The following PRKAR1B variants were observed in gnomAD, a reference collection of about 807,000 sequenced individuals.
The protein encoded by PRKAR1B is protein kinase cAMP-dependent type I regulatory subunit beta.
In PRKAR1B, 22 loss-of-function variants were observed where a neutral mutation model predicts 46.5. That is an observed-to-expected ratio of 0.47 (90% CI 0.34 to 0.68). The LOEUF (loss-of-function observed/expected upper bound fraction) is 0.68. Ranked by LOEUF, PRKAR1B falls within the 30% of genes least tolerant of loss-of-function variation. The pLI, the probability that PRKAR1B is intolerant of heterozygous loss-of-function variation, is 0.01. For missense variants in PRKAR1B, 445 were observed against 535.6 expected, an observed-to-expected ratio of 0.83 and a Z score of 1.67; for synonymous variants, 259 against 217.7, an observed-to-expected ratio of 1.19 and a Z score of -1.67.
chr7:703,231 A>T (rs981711157), intron 2 of PRKAR1B, among the ~76,000 whole-genome samples: 1 of 152,272 alleles, frequency 6.6e-6, no homozygotes, highest in Non-Finnish European at 1.5e-5. Context: ...TATGCAACTA[A>T]TAACAGAGCT....
chr7:707,697 A>C (rs571221949), intron 2 of PRKAR1B, among the ~76,000 whole-genome samples: 1 of 152,300 alleles, frequency 6.6e-6, no homozygotes, highest in Admixed American at 6.5e-5. Flanking sequence ...GGAAATCTGG[A>C]CACAGACACT....
intron 9 of PRKAR1B, among the ~76,000 whole-genome samples, chr7:568,962 AG>A (rs1429320745): frequency 7.6e-6 from 1 of 130,904 alleles, no homozygotes; most frequent in Non-Finnish European, 1.6e-5. Flanking sequence ...GGTCTCTGGG[AG>A]GGGAGGGTTG....
intron 4 of PRKAR1B, among the ~76,000 whole-genome samples, chr7:635,209 TG>T (rs1783976814): frequency 6.6e-6 from 1 of 152,236 alleles, no homozygotes; most frequent in South Asian, 2.1e-4. Flanking sequence ...TCTGACACCC[TG>T]GGACCCACAT....
chr7:618,083 G>A (rs533140120), intron 4 of PRKAR1B, among the ~76,000 whole-genome samples: 11 of 151,444 alleles, frequency 7.3e-5, no homozygotes, highest in African/African-American at 1.7e-4. Flanking sequence ...CCCCACCAGT[G>A]GTAAGTGCCG....
chr7:583,358 G>GGT (rs1562536828), intron 8 of PRKAR1B, among the ~76,000 whole-genome samples: 1 of 129,780 alleles, frequency 7.7e-6, no homozygotes, highest in Non-Finnish European at 1.7e-5. Flanking sequence ...CACACACACA[G>GGT]GCGCACACAC....
rs867718312 is a variant in PRKAR1B at position 670,533 on chromosome 7, G to C, written c.440+6696C>G. On this transcript the variant is annotated intron_variant, in intron 4 of 10. Transcript: ENST00000537384. ...ACCGAGGACGGCCTCTGAGCTCCCC[G>C]ACGCCACAGCATCCAGCAGAGGGGC... is the stretch of plus-strand genomic sequence containing the variant. Among the ~76,000 whole-genome samples the C allele has an allele frequency of 9.0e-3, 695 of 77,466 alleles. 2 individuals are homozygous for C. The highest frequency in any genetic ancestry group is 0.035 in the Middle Eastern group (3 of 86). The allele number at this position is 77,466 out of a possible 152,430, so 50.8% of individuals were successfully genotyped here.
intron 4 of PRKAR1B, among the ~76,000 whole-genome samples, chr7:669,440 A>G (rs1786101927): frequency 6.6e-6 from 1 of 152,160 alleles, no homozygotes. Context: ...TTGTGAATGT[A>G]ACTAATGCCA....
At chr7:610,711 C>A (rs1028112876) in intron 4 of PRKAR1B, among the ~76,000 whole-genome samples, 3 of 152,188 alleles carry the variant, frequency 2.0e-5, no homozygotes, top group South Asian at 2.1e-4. Flanking sequence ...TCACACAAAA[C>A]CCCCATGGCT....
chr7:569,003 G>C (rs1779339556), intron 9 of PRKAR1B, among the ~76,000 whole-genome samples: 1 of 150,882 alleles, frequency 6.6e-6, no homozygotes, highest in South Asian at 2.1e-4. Flanking sequence ...GCTTTTTAGA[G>C]TTGTTATTTT....
intron 2 of PRKAR1B, among the ~76,000 whole-genome samples, chr7:685,344 A>G (rs1193161064): frequency 6.9e-5 from 6 of 86,790 alleles, no homozygotes; most frequent in African/African-American, 2.9e-4. Flanking sequence ...ATACGTATAT[A>G]TATGTATACA....
chr7:708,903 C>T (rs1168720701), intron 2 of PRKAR1B, among the ~76,000 whole-genome samples: 1 of 151,558 alleles, frequency 6.6e-6, no homozygotes, highest in Non-Finnish European at 1.5e-5. Flanking sequence ...GCCAATTCTC[C>T]TGCCTCAGCC....
Position 666,166 on chromosome 7 carries a change from C to T in PRKAR1B, c.440+11063G>A, listed in dbSNP as rs1161293083. Among the ~76,000 whole-genome samples the T allele has an allele frequency of 6.6e-6, 1 of 152,210 alleles. No homozygotes were observed. Among genetic ancestry groups the T allele is most frequent in the Non-Finnish European group, 1.5e-5 (1 of 68,038 alleles). ...CTACAGGCGCCCTAATCAGGGAAAG[C>T]CGGGAAGGGACCGGGATAGAACCCA... On this transcript the variant is annotated intron_variant, in intron 4 of 10. Coordinates refer to ENST00000537384, the MANE Select transcript of PRKAR1B (RefSeq NM_001164760.2). The surrounding 1 kb of genome is among the most constrained non-coding windows in gnomAD (Gnocchi z 4.9).
chr7:566,549 T>TGAC (rs1779168546), intron 9 of PRKAR1B, among the ~76,000 whole-genome samples: 1 of 151,150 alleles, frequency 6.6e-6, no homozygotes, highest in African/African-American at 2.4e-5. Context: ...ACCATCACCA[T>TGAC]CATTGTCATC....
At chr7:642,483 T>C (rs1784436343) in intron 4 of PRKAR1B, among the ~76,000 whole-genome samples, 1 of 152,066 alleles carries the variant, frequency 6.6e-6, no homozygotes, top group Admixed American at 6.5e-5. Flanking sequence ...CCCAGCACTT[T>C]GGGGGGCCGA....
At chr7:582,010 T>C in intron 8 of PRKAR1B, among the ~76,000 whole-genome samples, 1 of 152,246 alleles carries the variant, frequency 6.6e-6, no homozygotes, top group East Asian at 1.9e-4. Flanking sequence ...TGTACCATCA[T>C]GTCCAGCTAA....
intron 7 of PRKAR1B, among the ~76,000 whole-genome samples, chr7:590,518 T>G (rs1780914775): frequency 1.3e-5 from 2 of 152,130 alleles, no homozygotes; most frequent in South Asian, 4.2e-4. Context: ...GAGGCCAGCA[T>G]CCGGGGAGAA....
rs1359750897 is a variant in PRKAR1B at position 666,535 on chromosome 7, G to T, written c.440+10694C>A. Among the ~76,000 whole-genome samples, 1 of 152,320 alleles carries T rather than the reference G, an allele frequency of 6.6e-6. No homozygotes were observed. The highest frequency in any genetic ancestry group is 2.1e-4 in the South Asian group (1 of 4,828). On this transcript the variant is annotated intron_variant, in intron 4 of 10. Transcript: ENST00000537384. The surrounding 1 kb of genome is among the most constrained non-coding windows in gnomAD (Gnocchi z 4.9). Reference sequence around the variant, plus strand: ...TCAACTCTGCAGAGGGGCTGTGCAGGTGCCGTCCCAGGGGATAAGGACACC... The same window carrying T: ...TCAACTCTGCAGAGGGGCTGTGCAGTTGCCGTCCCAGGGGATAAGGACACC...
chr7:571,794 C>G (rs1583222896), intron 9 of PRKAR1B, among the ~76,000 whole-genome samples: 1 of 152,170 alleles, frequency 6.6e-6, no homozygotes, highest in East Asian at 1.9e-4. Flanking sequence ...GGGCGGGCAC[C>G]GCCCCACCCA....
At chr7:662,365 A>C (rs1170730637) in intron 4 of PRKAR1B, among the ~76,000 whole-genome samples, 1 of 98,010 alleles carries the variant, frequency 1.0e-5, no homozygotes, top group African/African-American at 4.2e-5. Flanking sequence ...TCCCCACCCC[A>C]ACGGGTCCAA....
Sources: gnomAD v4.1 joint callset for allele counts (sites outside exome capture counted in the v4.1 genomes callset) on GRCh38, gnomAD v4.1.1 for gene constraint, Gnocchi (gnomAD v3.1) non-coding constraint, MANE v1.5 for transcripts, NCBI Gene and HGNC (gene_info 2026-07-23, HGNC 2026-07-21) for gene names.